CCDC146: variants seen among roughly 807,000 people sequenced by gnomAD.
CCDC146 encodes coiled-coil domain containing 146.
In CCDC146, 92 loss-of-function variants were observed where a neutral mutation model predicts 119.3. That is an observed-to-expected ratio of 0.77 (90% CI 0.65 to 0.92). The LOEUF (loss-of-function observed/expected upper bound fraction) is 0.92, where lower values mean the gene tolerates loss of function less well. Among genes scored for constraint, CCDC146 ranks in the 40% least tolerant of loss-of-function variants. The pLI is 0.00. For missense variants in CCDC146, 1,000 were observed against 1,103.0 expected, an observed-to-expected ratio of 0.91 and a Z score of 1.32; for synonymous variants, 372 against 371.8, an observed-to-expected ratio of 1.00 and a Z score of -0.01.
At chr7:77,271,521 TATATATATATATATA>T (rs1562856528) in intron 9 of CCDC146, among the ~76,000 whole-genome samples, 578 of 18,720 alleles carry the variant, frequency 0.031, 20 homozygotes, top group African/African-American at 0.1. Flanking sequence ...GAGATATATA[TATATATATATATATA>T]TATATATATA....
intron 2 of CCDC146, among the ~76,000 whole-genome samples, chr7:77,206,476 G>A (rs1792081754): frequency 6.6e-6 from 1 of 151,982 alleles, no homozygotes; most frequent in South Asian, 2.1e-4. Flanking sequence ...TTAGCCAGGT[G>A]TGGTGGTGTG....
At chr7:77,222,951 T>C (rs1792432819) in intron 2 of CCDC146, among the ~76,000 whole-genome samples, 1 of 152,262 alleles carries the variant, frequency 6.6e-6, no homozygotes. Flanking sequence ...CTAGTGGTTT[T>C]ATCCTGGCTC....
chr7:77,235,369 C>T (rs533827947), intron 2 of CCDC146, among the ~76,000 whole-genome samples: 1 of 152,268 alleles, frequency 6.6e-6, no homozygotes, highest in East Asian at 1.9e-4. Flanking sequence ...CTTATGAATT[C>T]ATATTTAAGC....
chr7:77,292,973 A>T lies in CCDC146; in HGVS notation c.2437A>T (p.Ile813Phe). The change falls in exon 18 of 19, where the codon ATC becomes TTC. Residue 813 changes from isoleucine (I) to phenylalanine (F), a missense_variant. Physicochemically the swap from Ile to Phe is conservative, Grantham distance 21. Around this residue, in one of 2 missense-constraint regions of CCDC146, gnomAD observed 985 missense variants for 1,045.3 expected, o/e 0.94. Coordinates refer to ENST00000285871, the MANE Select transcript of CCDC146 (RefSeq NM_020879.3). Reference protein sequence around the residue: ...AKKMNGYQRRIKNATEKMMAL... With the variant: ...AKKMNGYQRRFKNATEKMMAL... Reference sequence around the variant, plus strand: ...CTAGATGAATGGCTATCAAAGAAGGATCAAAAATGCAACTGAGAAAATGAT... The same window carrying T: ...CTAGATGAATGGCTATCAAAGAAGGTTCAAAAATGCAACTGAGAAAATGAT... The T allele has an allele frequency of 6.2e-7, 1 of 1,614,016 alleles. No homozygotes were observed. The highest frequency in any genetic ancestry group is 8.5e-7 in the Non-Finnish European group (1 of 1,180,022).
Position 77,278,485 on chromosome 7 carries a change from G to T in CCDC146, c.1441-267G>T, listed in dbSNP as rs576781454. Among the ~76,000 whole-genome samples the T allele has an allele frequency of 6.5e-5, 8 of 122,774 alleles. No individual in the cohort carries two copies. In the East Asian group the frequency reaches 1.9e-3, roughly 29 times the overall value. 80.5% of individuals were successfully genotyped at this position (122,774 alleles called of 152,430 possible). On this transcript the variant is annotated intron_variant, in intron 11 of 18. Coordinates refer to ENST00000285871, the MANE Select transcript of CCDC146 (RefSeq NM_020879.3). ...TGGAGAGACAGGATCTTACTTTGTC[G>T]CCCAGGCTGGAGCGGAGTGATGCAA... is the stretch of plus-strand genomic sequence containing the variant.
At chr7:77,201,013 CTGT>C (rs1312083757) in intron 2 of CCDC146, among the ~76,000 whole-genome samples, 2 of 152,110 alleles carry the variant, frequency 1.3e-5, no homozygotes, top group East Asian at 3.9e-4. Context: ...TATGACTTTT[CTGT>C]ATATCCCCTT....
Position 77,270,766 on chromosome 7 carries a change from C to T in CCDC146, c.1174-2928C>T, listed in dbSNP as rs991742019. 1.2e-4 allele frequency among the ~76,000 whole-genome samples: 19 copies of T among 152,174 alleles called. No individual in the cohort carries two copies. In the East Asian group the frequency reaches 2.9e-3, roughly 23 times the overall value. ...TTTCACATAATGAAAAGTCTAGGAT[C>T]CTTTTAGCTCCCCTTTCAGTCAACC... is the stretch of plus-strand genomic sequence containing the variant. On this transcript the variant is annotated intron_variant, in intron 9 of 18. Coordinates refer to ENST00000285871, the MANE Select transcript of CCDC146 (RefSeq NM_020879.3).
chr7:77,129,320 G>T (rs1790750421), intron 1 of CCDC146, among the ~76,000 whole-genome samples: 1 of 151,938 alleles, frequency 6.6e-6, no homozygotes, highest in Non-Finnish European at 1.5e-5. Flanking sequence ...TCGTATTCAA[G>T]TAACCCTTAT....
Position 77,163,866 on chromosome 7 carries a change from T to C in CCDC146, c.-11-3792T>C, listed in dbSNP as rs1490858492. ...TTCTTTCTTTCTTTTTTTTCTTTTT[T>C]TTTTTTTTTTTGAGACAGAGTCTCG... On this transcript the variant is annotated intron_variant, in intron 1 of 18. Transcript: ENST00000285871. Among the ~76,000 whole-genome samples the C allele has an allele frequency of 8.9e-5, 13 of 146,116 alleles. No individual in the cohort carries two copies. The East Asian group carries it at 2.2e-3, about 24-fold the overall frequency.
intron 1 of CCDC146, among the ~76,000 whole-genome samples, chr7:77,125,194 C>CA (rs111475116): frequency 0.048 from 7,199 of 151,136 alleles, 584 homozygotes; most frequent in African/African-American, 0.17. Flanking sequence ...AACTCTGTCT[C>CA]AATAAAAAAA....
chr7:77,196,989 A>T lies in CCDC146; in HGVS notation c.156+29165A>T. 6.5e-7 allele frequency: 1 copy of T among 1,547,588 alleles called. No individual in the cohort carries two copies. Among genetic ancestry groups the T allele is most frequent in the Non-Finnish European group, 8.8e-7 (1 of 1,132,514 alleles). The stretch of plus-strand genomic sequence containing the variant: ...TCTTTATATATTAGATGTTGAACTG[A>T]AGGGGAAATAAAAGGAAGGCATTGG... On this transcript the variant is annotated intron_variant, in intron 2 of 18. Coordinates refer to ENST00000285871, the MANE Select transcript of CCDC146 (RefSeq NM_020879.3). The surrounding 1 kb of genome is among the most constrained non-coding windows in gnomAD (Gnocchi z 4.2).
chr7:77,271,963 C>G (rs3114326), intron 9 of CCDC146, among the ~76,000 whole-genome samples: 142,457 of 152,088 alleles, frequency 0.94, 66,854 homozygotes, highest in African/African-American at 0.98. Context: ...TTCACGTTTA[C>G]ATCTGCCGAC....
At chr7:77,163,684 G>A (rs2117474324) in intron 1 of CCDC146, among the ~76,000 whole-genome samples, 1 of 152,030 alleles carries the variant, frequency 6.6e-6, no homozygotes, top group South Asian at 2.1e-4. Flanking sequence ...AATTGTCTAG[G>A]TTTTGCTTCA....
intron 4 of CCDC146, chr7:77,246,488 C>T (rs1256301863): frequency 6.6e-6 from 1 of 152,128 alleles, no homozygotes; most frequent in Admixed American, 6.5e-5. Flanking sequence ...GTCAGGAAAG[C>T]TGAAAAATGT....
intron 2 of CCDC146, among the ~76,000 whole-genome samples, chr7:77,225,559 A>C (rs1006111988): frequency 6.6e-6 from 1 of 152,142 alleles, no homozygotes; most frequent in Non-Finnish European, 1.5e-5. Flanking sequence ...GCCTTAAAAA[A>C]AAAAACAAAA....
At chr7:77,166,911 T>C (rs972949503) in intron 1 of CCDC146, among the ~76,000 whole-genome samples, 1 of 152,224 alleles carries the variant, frequency 6.6e-6, no homozygotes, top group African/African-American at 2.4e-5. Context: ...ACCTCAGTTT[T>C]GCTCCTGTGG....
chr7:77,284,378 C>T (rs563442747), intron 15 of CCDC146, among the ~76,000 whole-genome samples: 16 of 152,190 alleles, frequency 1.1e-4, no homozygotes, highest in Non-Finnish European at 2.2e-4. Flanking sequence ...ACAGCCTCCT[C>T]ATCCCAGATT....
At chr7:77,124,728 T>G (rs1262979603) in intron 1 of CCDC146, among the ~76,000 whole-genome samples, 1 of 152,196 alleles carries the variant, frequency 6.6e-6, no homozygotes, top group East Asian at 1.9e-4. Flanking sequence ...ATACTTCTGG[T>G]AGGAGTGTTA....
At chr7:77,287,129 G>A (rs1008485659) in intron 16 of CCDC146, 8 of 672,292 alleles carry the variant, frequency 1.2e-5, no homozygotes, top group South Asian at 1.0e-4. Flanking sequence ...CAGTGGTTTC[G>A]AGATTCCAAA....
Sources: gnomAD v4.1 joint callset for allele counts (sites outside exome capture counted in the v4.1 genomes callset) on GRCh38, gnomAD v4.1.1 for gene constraint, gnomAD v4.1.1 regional missense constraint, Gnocchi (gnomAD v3.1) non-coding constraint, MANE v1.5 for transcripts, NCBI Gene and HGNC (gene_info 2026-07-23, HGNC 2026-07-21) for gene names.